Variants in CALN1 observed in about 807,000 individuals in gnomAD.
CALN1 encodes calcium-binding protein 8.
CALN1 carries 17 observed loss-of-function variants against 30.6 expected under a neutral mutation model. That is an observed-to-expected ratio of 0.56 (90% CI 0.38 to 0.83). CALN1 has a LOEUF of 0.83. Ranked by LOEUF, CALN1 falls within the 40% of genes least tolerant of loss-of-function variation. CALN1 has a pLI of 0.00. For synonymous variants in CALN1, 156 were observed against 131.4 expected (o/e 1.19, Z -1.28); for missense variants, 291 against 354.9 (o/e 0.82, Z 1.45).
At chr7:72,501,153 G>T in the CALN1 span, among the ~76,000 whole-genome samples, 9 of 152,058 alleles carry the variant, frequency 5.9e-5, no homozygotes, top group South Asian at 1.9e-3. Context: ...CAGGATTGGA[G>T]ATAAAATACT....
At chr7:72,099,796 G>A (rs939547539) in intron 4 of CALN1, among the ~76,000 whole-genome samples, 4 of 152,136 alleles carry the variant, frequency 2.6e-5, no homozygotes, top group Non-Finnish European at 5.9e-5. Context: ...GTGCTTTTAC[G>A]TGATGGGTCA....
chr7:71,891,957 T>TAAA (rs61692856), intron 5 of CALN1, among the ~76,000 whole-genome samples: 1 of 101,822 alleles, frequency 9.8e-6, no homozygotes, highest in Non-Finnish European at 2.3e-5. Context: ...AATAAATAAA[T>TAAA]AAAAAAAAAA....
intron 3 of CALN1, among the ~76,000 whole-genome samples, chr7:72,216,186 G>A (rs773468319): frequency 1.1e-4 from 16 of 152,052 alleles, no homozygotes; most frequent in Non-Finnish European, 2.1e-4. Flanking sequence ...AGGCTGATGG[G>A]GGAGGACTGC....
chr7:71,929,160 G>A (rs1157533087), intron 5 of CALN1, among the ~76,000 whole-genome samples: 2 of 152,096 alleles, frequency 1.3e-5, no homozygotes, highest in Admixed American at 1.3e-4. Context: ...TACATGTGCA[G>A]GATGTGCAGG....
At chr7:72,324,113 T>C (rs1041500042) in intron 2 of CALN1, among the ~76,000 whole-genome samples, 2 of 152,028 alleles carry the variant, frequency 1.3e-5, no homozygotes, top group African/African-American at 4.8e-5. Context: ...CCGAGTGCCC[T>C]GGTTCGCAAA....
At chr7:72,181,124 A>ATTT (rs34674449) in intron 3 of CALN1, among the ~76,000 whole-genome samples, 1 of 119,560 alleles carries the variant, frequency 8.4e-6, no homozygotes, top group East Asian at 3.3e-4. Context: ...AAAAAAAAAA[A>ATTT]TTTTTGGTAC....
At chr7:71,805,375 C>G (rs751212245) in intron 6 of CALN1, among the ~76,000 whole-genome samples, 1 of 152,122 alleles carries the variant, frequency 6.6e-6, no homozygotes, top group Non-Finnish European at 1.5e-5. Flanking sequence ...AGGCCCAGCC[C>G]GTTCCTTTCC....
intron 4 of CALN1, among the ~76,000 whole-genome samples, chr7:72,061,162 AAC>A (rs1339108905): frequency 6.6e-6 from 1 of 152,208 alleles, no homozygotes; most frequent in Non-Finnish European, 1.5e-5. Context: ...CAAAAATATC[AAC>A]ATTCTCTGGA....
chr7:72,040,716 A>G (rs1297920255), intron 4 of CALN1, among the ~76,000 whole-genome samples: 1 of 152,192 alleles, frequency 6.6e-6, no homozygotes, highest in Non-Finnish European at 1.5e-5. Context: ...GGCCATGTGC[A>G]AACCAAGGAG....
At chr7:72,097,362 G>A (rs572812248) in intron 4 of CALN1, among the ~76,000 whole-genome samples, 7 of 152,276 alleles carry the variant, frequency 4.6e-5, no homozygotes, top group Admixed American at 3.9e-4. Flanking sequence ...TAGGTCTTGA[G>A]GATATCAAGC....
intron 1 of CALN1, among the ~76,000 whole-genome samples, chr7:72,421,541 T>C (rs1402444474): frequency 1.3e-5 from 2 of 151,412 alleles, no homozygotes; most frequent in Non-Finnish European, 2.9e-5. Flanking sequence ...ACAGTCATCA[T>C]ATTTCAGATG....
chr7:71,810,832 C>T (rs114335846), intron 5 of CALN1, among the ~76,000 whole-genome samples: 2,606 of 151,872 alleles, frequency 0.017, 73 homozygotes, highest in African/African-American at 0.056. Flanking sequence ...ATAATGCATA[C>T]GTCTCTAAAA....
chr7:71,940,723 C>T (rs1796082500), intron 5 of CALN1, among the ~76,000 whole-genome samples: 1 of 152,088 alleles, frequency 6.6e-6, no homozygotes, highest in Admixed American at 6.6e-5. Flanking sequence ...GCGATCCTCC[C>T]ACCTCAGCCT....
intron 5 of CALN1, among the ~76,000 whole-genome samples, chr7:71,971,967 A>AAGAAAGAAAGAAATAAAGAC (rs1797848470): frequency 7.3e-6 from 1 of 136,702 alleles, no homozygotes; most frequent in African/African-American, 2.8e-5. Flanking sequence ...GAAAGAAAGA[A>AAGAAAGAAAGAAATAAAGAC]AGAAAGAAAG....
In CALN1 at chr7:72,054,548, T is replaced by TATACATACATATATATAC. The variant is rs1268543272; in HGVS notation, c.389-30780_389-30779insGTATATATATGTATGTAT. On this transcript the variant is annotated intron_variant, in intron 4 of 6. Transcript: ENST00000395275. ...ATATACATACATATATATATACATATATATATATATATAATGGAATACTAT... is the reference window on the plus strand; with the variant it reads ...ATATACATACATATATATATACATATATACATACATATATATACATATATATATATAATGGAATACTAT... Among the ~76,000 whole-genome samples, 65 of 134,220 alleles carry TATACATACATATATATAC rather than the reference T, an allele frequency of 4.8e-4. 3 individuals are homozygous for TATACATACATATATATAC. The highest frequency in any genetic ancestry group is 1.7e-3 in the African/African-American group (59 of 35,028). 88.1% of individuals were successfully genotyped at this position (134,220 alleles called of 152,430 possible).
At chr7:72,316,710 A>AG (rs1800471908) in intron 2 of CALN1, among the ~76,000 whole-genome samples, 1 of 152,136 alleles carries the variant, frequency 6.6e-6, no homozygotes, top group Non-Finnish European at 1.5e-5. Flanking sequence ...CCGAGGTGGG[A>AG]GGATGAGAGG....
At chr7:71,937,213 A>AG (rs200713563) in intron 5 of CALN1, among the ~76,000 whole-genome samples, 11,319 of 152,000 alleles carry the variant, frequency 0.074, 725 homozygotes, top group East Asian at 0.21. Flanking sequence ...AGGCTGCTTG[A>AG]ACAGGAGAAT....
At chr7:72,411,631 G>A (rs1055490101) in intron 1 of CALN1, among the ~76,000 whole-genome samples, 7 of 152,282 alleles carry the variant, frequency 4.6e-5, no homozygotes, top group Non-Finnish European at 1.0e-4. Flanking sequence ...AGCTCCATGG[G>A]AGGAAATACG....
chr7:72,368,259 T>A (rs796733617), intron 2 of CALN1, among the ~76,000 whole-genome samples: 11 of 150,800 alleles, frequency 7.3e-5, no homozygotes, highest in African/African-American at 2.4e-4. Context: ...AATGTTCTGT[T>A]AACTGTTAAC....
Sources: gnomAD v4.1 joint callset for allele counts (sites outside exome capture counted in the v4.1 genomes callset) on GRCh38, gnomAD v4.1.1 for gene constraint, MANE v1.5 for transcripts, NCBI Gene and HGNC (gene_info 2026-07-23, HGNC 2026-07-21) for gene names.